ODR4: variants seen among roughly 807,000 people sequenced by gnomAD.
ODR4 encodes the protein odr-4 GPCR localization factor homolog, also known as protein odr-4 homolog.
A neutral mutation model predicts 60.2 loss-of-function variants in ODR4; 47 were observed. That is an observed-to-expected ratio of 0.78 (90% CI 0.62 to 1.00). The LOEUF is 1.00. Ranked by LOEUF, ODR4 falls within the 50% of genes least tolerant of loss-of-function variation. The pLI is 0.00. For synonymous variants in ODR4, 178 were observed against 175.5 expected, an observed-to-expected ratio of 1.01 and a Z score of -0.11; for missense variants, 488 against 530.8, an observed-to-expected ratio of 0.92 and a Z score of 0.79.
the ODR4 span, among the ~76,000 whole-genome samples, chr1:186,431,285 A>C: frequency 1.3e-5 from 2 of 152,230 alleles, no homozygotes; most frequent in Non-Finnish European, 2.9e-5. Context: ...ATTGCAAAGA[A>C]TGGAATATCA....
chr1:186,424,766 T>A (rs1185832887), downstream of ODR4, among the ~76,000 whole-genome samples: 1 of 152,016 alleles, frequency 6.6e-6, no homozygotes, highest in Non-Finnish European at 1.5e-5. Context: ...GGCTTCTCCA[T>A]GGGACTTGGA....
intron 12 of ODR4, among the ~76,000 whole-genome samples, chr1:186,413,005 T>C (rs1460166658): frequency 6.6e-6 from 1 of 152,092 alleles, no homozygotes; most frequent in Non-Finnish European, 1.5e-5. Flanking sequence ...CATAAGAAAG[T>C]GGAGCTCAAA....
At chr1:186,381,974 A>G (rs375707250) in intron 2 of ODR4, among the ~76,000 whole-genome samples, 22 of 152,266 alleles carry the variant, frequency 1.4e-4, no homozygotes, top group East Asian at 1.4e-3. Context: ...GGAAGATACA[A>G]TGCTAACTTG....
chr1:186,406,008 G>A (rs1661160308), intron 11 of ODR4, 75 bp from the exon 12 acceptor site: 14 of 1,029,436 alleles, frequency 1.4e-5, no homozygotes, highest in East Asian at 1.1e-4. Flanking sequence ...GTTTTTGTAT[G>A]TACTTCTAAA....
At chr1:186,394,258 A>G (rs1052819869) in intron 9 of ODR4, among the ~76,000 whole-genome samples, 3 of 152,078 alleles carry the variant, frequency 2.0e-5, no homozygotes, top group African/African-American at 7.2e-5. Flanking sequence ...AAATATGTAC[A>G]CATACATGCA....
intron 2 of ODR4, among the ~76,000 whole-genome samples, chr1:186,381,332 C>CTTCTTTTTTTTTTTTTT (rs1558057831): frequency 6.9e-6 from 1 of 144,598 alleles, no homozygotes; most frequent in African/African-American, 2.5e-5. Flanking sequence ...GGCCTTCCTT[C>CTTCTTTTTTTTTTTTTT]TTTTTTTTTT....
the ODR4 span, among the ~76,000 whole-genome samples, chr1:186,434,700 G>A: frequency 3.3e-5 from 5 of 152,158 alleles, no homozygotes; most frequent in South Asian, 1.0e-3. Flanking sequence ...ATGTAATGTA[G>A]AGCCATGGCC....
Position 186,375,932 on chromosome 1 carries a change from G to A in ODR4, c.-62G>A. ...AACCCCCATCTCCGGCGGAGAGACC[G>A]TCCGAGGTAATTGTCTGCCACGAGT... On this transcript the variant is annotated 5_prime_UTR_variant, in exon 1 of 14. Coordinates refer to ENST00000287859, the MANE Select transcript of ODR4 (RefSeq NM_017847.6). 4.6e-6 allele frequency: 1 copy of A among 216,290 alleles called. No individual in the cohort carries two copies. Among genetic ancestry groups the A allele is most frequent in the Non-Finnish European group, 1.0e-5 (1 of 98,652 alleles). The allele number at this position is 216,290 out of a possible 1,614,324, so 13.4% of individuals were successfully genotyped here.
At chr1:186,379,743 G>A in intron 1 of ODR4, 24 bp from the exon 2 acceptor site, 1 of 1,245,302 alleles carries the variant, frequency 8.0e-7, no homozygotes, top group Non-Finnish European at 1.1e-6. Context: ...CCTAAATGCT[G>A]TATCTTTTCT....
intron 3 of ODR4, 133 bp from the exon 4 acceptor site, chr1:186,385,855 G>A: frequency 1.7e-6 from 1 of 577,950 alleles, no homozygotes; most frequent in Non-Finnish European, 3.0e-6. Context: ...AAAGGATGTT[G>A]TTATCAGATA....
At chr1:186,384,332 G>A (rs911673159) in intron 3 of ODR4, among the ~76,000 whole-genome samples, 1 of 151,806 alleles carries the variant, frequency 6.6e-6, no homozygotes, top group Non-Finnish European at 1.5e-5. Context: ...AACAAATATA[G>A]CGAGAACTCA....
the ODR4 span, among the ~76,000 whole-genome samples, chr1:186,428,660 A>G: frequency 6.6e-6 from 1 of 152,148 alleles, no homozygotes; most frequent in Admixed American, 6.5e-5. Flanking sequence ...TGCCTTCCTC[A>G]TTTAGCTTAA....
chr1:186,387,837 A>G (rs1660311968), intron 4 of ODR4, among the ~76,000 whole-genome samples: 1 of 152,192 alleles, frequency 6.6e-6, no homozygotes, highest in Non-Finnish European at 1.5e-5. Context: ...ATGCATTTTT[A>G]TAATTCTTAT....
In ODR4 at chr1:186,375,931, C is replaced by G. The variant is rs1256467050; in HGVS notation, c.-63C>G. 4.7e-6 allele frequency: 1 copy of G among 211,110 alleles called. No homozygotes were observed. Among genetic ancestry groups the G allele is most frequent in the Non-Finnish European group, 1.0e-5 (1 of 96,054 alleles). The allele number at this position is 211,110 out of a possible 1,614,324, so 13.1% of individuals were successfully genotyped here. On this transcript the variant is annotated 5_prime_UTR_variant, in exon 1 of 14. Transcript: ENST00000287859. ...AAACCCCCATCTCCGGCGGAGAGAC[C>G]GTCCGAGGTAATTGTCTGCCACGAG...
intron 11 of ODR4, chr1:186,401,153 G>GAAACAA: frequency 6.3e-7 from 1 of 1,594,968 alleles, no homozygotes; most frequent in South Asian, 1.1e-5. Flanking sequence ...GGCTATCCTG[G>GAAACAA]TATTCTTTCA....
At position 186,393,952 on chromosome 1, in the gene ODR4, A is replaced by G; in HGVS notation, c.717A>G (p.Lys239=). Residue 239 remains lysine (K), a synonymous_variant, in exon 9 of 14, where the codon AAA becomes AAG. Coordinates refer to ENST00000287859, the MANE Select transcript of ODR4 (RefSeq NM_017847.6). ...TAACTTTTGTGTTTTTTCAGAAAAA[A>G]TCTTCTAGAGGAAATACTCAAGCAA... ...EDCDLLEGQK[K]SSRGNTQATS... The G allele has an allele frequency of 4.0e-6, 6 of 1,513,806 alleles. No homozygotes were observed. The highest frequency in any genetic ancestry group is 5.4e-6 in the Non-Finnish European group (6 of 1,116,228). The allele number at this position is 1,513,806 out of a possible 1,614,324, so 93.8% of individuals were successfully genotyped here. A position where few individuals can be genotyped will look rare whatever the true frequency, so the allele number is the denominator to read the frequency against.
chr1:186,394,630 G>A (rs1214763298), intron 9 of ODR4, among the ~76,000 whole-genome samples: 2 of 152,272 alleles, frequency 1.3e-5, no homozygotes, highest in African/African-American at 2.4e-5. Flanking sequence ...TAGCAAACGC[G>A]TGTTTGTAGG....
chr1:186,403,668 TAA>T (rs74688316), intron 11 of ODR4, among the ~76,000 whole-genome samples: 1 of 141,018 alleles, frequency 7.1e-6, no homozygotes. Flanking sequence ...ATTGTCAGTT[TAA>T]AAAAAAAAAA....
At chr1:186,408,972 GTTTTA>G (rs1436814337) in intron 12 of ODR4, among the ~76,000 whole-genome samples, 1 of 151,566 alleles carries the variant, frequency 6.6e-6, no homozygotes, top group African/African-American at 2.4e-5. Flanking sequence ...GTTTAAGACT[GTTTTA>G]TTCAGTTCTT....
Sources: allele counts gnomAD v4.1 joint callset (sites outside exome capture counted in the v4.1 genomes callset), GRCh38; gene constraint gnomAD v4.1.1; transcripts MANE v1.5; gene names NCBI Gene and HGNC (gene_info 2026-07-23, HGNC 2026-07-21).